Variants in ANK2 observed in about 807,000 individuals in gnomAD.
ANK2 encodes ankyrin 2.
Under a neutral mutation model 360.5 loss-of-function variants are expected in ANK2, and 83 were observed. The ratio of observed to expected loss-of-function variants is 0.23; its 90% CI spans 0.19 to 0.28. The LOEUF (loss-of-function observed/expected upper bound fraction) is 0.28, where lower values mean the gene tolerates loss of function less well. ANK2 is among the 10% of genes least tolerant of loss of function. The pLI is 1.00. For synonymous variants in ANK2, 1,740 were observed against 1,759.5 expected (o/e 0.99, Z 0.28); for missense variants, 4,201 against 4,795.7 (o/e 0.88, Z 3.66).
chr4:113,265,275 C>T (rs992383833), intron 14 of ANK2, among the ~76,000 whole-genome samples: 3 of 152,162 alleles, frequency 2.0e-5, no homozygotes, highest in African/African-American at 7.2e-5. Flanking sequence ...GTTTTAACCT[C>T]GGAAAGCACT....
intron 18 of ANK2, among the ~76,000 whole-genome samples, chr4:113,283,477 A>G (rs912485109): frequency 6.6e-6 from 1 of 152,148 alleles, no homozygotes; most frequent in Non-Finnish European, 1.5e-5. Context: ...AATAAAGCAC[A>G]TCAGTCATTT....
intron 1 of ANK2, among the ~76,000 whole-genome samples, chr4:112,895,593 A>G (rs2081493016): frequency 6.6e-6 from 1 of 152,016 alleles, no homozygotes; most frequent in Non-Finnish European, 1.5e-5. Context: ...CAATTTTGCT[A>G]TTATGCTCAG....
the ANK2 span, among the ~76,000 whole-genome samples, chr4:112,710,065 C>T: frequency 6.6e-6 from 1 of 152,102 alleles, no homozygotes; most frequent in Non-Finnish European, 1.5e-5. Flanking sequence ...TGGTGCTGAG[C>T]GAGGCATAGT....
Position 113,193,557 on chromosome 4 carries a change from T to C in ANK2, c.187-2811T>C, listed in dbSNP as rs575956279. The stretch of plus-strand genomic sequence containing the variant: ...CATTTTCATTTTTAATTGGATTTTT[T>C]CTTCATTGTATAGATTATTTCTTTT... On this transcript the variant is annotated intron_variant, in intron 2 of 45. Transcript: ENST00000357077. 3.3e-5 allele frequency among the ~76,000 whole-genome samples: 5 copies of C among 152,358 alleles called. No individual in the cohort carries two copies. In the East Asian group the frequency reaches 9.6e-4, roughly 29 times the overall value.
At chr4:113,072,951 G>GCCTTT (rs2078257965) in intron 1 of ANK2, among the ~76,000 whole-genome samples, 4 of 92,632 alleles carry the variant, frequency 4.3e-5, no homozygotes. Context: ...CAAGGACAGT[G>GCCTTT]TCTTTTTTTT....
chr4:112,722,341 C>T, the ANK2 span, among the ~76,000 whole-genome samples: 1 of 152,128 alleles, frequency 6.6e-6, no homozygotes, highest in South Asian at 2.1e-4. Flanking sequence ...CAAGATCCTG[C>T]CTAAAACACA....
intron 29 of ANK2, among the ~76,000 whole-genome samples, chr4:113,335,111 A>G (rs2093322170): frequency 6.6e-6 from 1 of 152,190 alleles, no homozygotes; most frequent in South Asian, 2.1e-4. Context: ...CACATTTTCT[A>G]AATTTAAACT....
chr4:113,121,608 G>A (rs1162651831), intron 1 of ANK2, among the ~76,000 whole-genome samples: 1 of 152,084 alleles, frequency 6.6e-6, no homozygotes, highest in African/African-American at 2.4e-5. Flanking sequence ...GGCAATTATA[G>A]ACTATGATAT....
intron 1 of ANK2, chr4:113,146,057 A>T: frequency 4.7e-6 from 6 of 1,285,904 alleles, no homozygotes; most frequent in Non-Finnish European, 6.1e-6. Context: ...ATAAGAATCA[A>T]CAGTAGACCT....
chr4:112,915,772 AT>A (rs1374557938), intron 2 of ANK2, among the ~76,000 whole-genome samples: 9 of 151,640 alleles, frequency 5.9e-5, no homozygotes, highest in African/African-American at 1.2e-4. Context: ...AAATAAATAA[AT>A]AAATAAATAA....
the ANK2 span, among the ~76,000 whole-genome samples, chr4:112,768,756 T>C: frequency 6.6e-6 from 1 of 152,166 alleles, no homozygotes; most frequent in Non-Finnish European, 1.5e-5. Flanking sequence ...CAGCCAAAAA[T>C]TTTATTTGAA....
At position 113,368,881 on chromosome 4, in the gene ANK2, TG is replaced by T. The variant is rs374970473; in HGVS notation, c.11319-631del. On this transcript the variant is annotated intron_variant, in intron 42 of 45. Transcript: ENST00000357077. ...AGACATTTTAGGCATTTAATATCTA[TG>T]GAGTGATAGATTGCACTGAATACCA... 1.8e-3 allele frequency among the ~76,000 whole-genome samples: 273 copies of T among 152,268 alleles called. 1 individual carries two copies. Among genetic ancestry groups the T allele is most frequent in the South Asian group, 3.7e-3 (18 of 4,824 alleles).
chr4:113,166,437 G>A (rs1171913136), intron 1 of ANK2, among the ~76,000 whole-genome samples: 1 of 151,770 alleles, frequency 6.6e-6, no homozygotes, highest in East Asian at 1.9e-4. Flanking sequence ...AAGTGTGTAT[G>A]TATATATGTA....
chr4:113,108,158 C>T (rs1327921991), intron 1 of ANK2, among the ~76,000 whole-genome samples: 1 of 152,054 alleles, frequency 6.6e-6, no homozygotes, highest in Non-Finnish European at 1.5e-5. Flanking sequence ...ATAAACAATA[C>T]CTATTTGTAG....
At chr4:113,074,965 A>C (rs2079280419) in intron 1 of ANK2, among the ~76,000 whole-genome samples, 1 of 152,200 alleles carries the variant, frequency 6.6e-6, no homozygotes, top group African/African-American at 2.4e-5. Context: ...ACATAGATTT[A>C]AAAATGCACT....
In ANK2 at chr4:113,171,472, G is replaced by A. The variant is rs148768221; in HGVS notation, c.85-2944G>A. On this transcript the variant is annotated intron_variant, in intron 1 of 45. Coordinates refer to ENST00000357077, the MANE Select transcript of ANK2 (RefSeq NM_001148.6). ...AAACCTCATTTTATTTCTGTCTTTG[G>A]AATTTACATTCTTGGACCATTTTAT... Among the ~76,000 whole-genome samples, 949 of 152,170 alleles carry A rather than the reference G, an allele frequency of 6.2e-3. 14 individuals are homozygous for A. The highest frequency in any genetic ancestry group is 0.021 in the African/African-American group (886 of 41,504).
Position 113,199,047 on chromosome 4 carries a change from G to A in ANK2, c.322G>A (p.Gly108Arg), listed in dbSNP as rs2153405172. The A allele has an allele frequency of 6.2e-7, 1 of 1,613,394 alleles. No homozygotes were observed. Among genetic ancestry groups the A allele is most frequent in the Non-Finnish European group, 8.5e-7 (1 of 1,179,552 alleles). The change falls in exon 4 of 46, where the codon GGA (glycine) becomes AGA (arginine). Residue 108 changes from glycine (G) to arginine (R), a missense_variant. Transcript: ENST00000357077. ...NTALHIASLA[G>R]QAEVVKVLVK... ...CGCTCTTCACATTGCATCTTTGGCT[G>A]GACAAGCAGAAGTTGTCAAAGTTCT...
chr4:113,021,064 T>G (rs1358461804), intron 2 of ANK2, among the ~76,000 whole-genome samples: 3 of 152,160 alleles, frequency 2.0e-5, no homozygotes, highest in Non-Finnish European at 2.9e-5. Context: ...TGGAGCATAT[T>G]CTTTGGAATG....
intron 1 of ANK2, among the ~76,000 whole-genome samples, chr4:112,835,128 G>A (rs925741045): frequency 9.9e-5 from 15 of 152,114 alleles, no homozygotes; most frequent in Admixed American, 7.9e-4. Flanking sequence ...ATCTACCATC[G>A]ACATTTCACT....
Sources: allele counts gnomAD v4.1 joint callset (sites outside exome capture counted in the v4.1 genomes callset), GRCh38; gene constraint gnomAD v4.1.1; transcripts MANE v1.5; gene names NCBI Gene and HGNC (gene_info 2026-07-23, HGNC 2026-07-21).